The following ZNF30 variants were observed in gnomAD, a reference collection of about 807,000 sequenced individuals.
ZNF30 encodes the protein zinc finger protein 30, also known as zinc finger protein 30 (KOX 28).
Under a neutral mutation model 13.2 loss-of-function variants are expected in ZNF30, and 15 were observed. That is an observed-to-expected ratio of 1.13 (90% confidence interval 0.76 to 1.75). ZNF30 has a LOEUF of 1.75. ZNF30 is among the 40% of genes most tolerant of loss of function. The pLI is 0.00. For missense variants in ZNF30, 726 were observed against 757.0 expected, an observed-to-expected ratio of 0.96 and a Z score of 0.48; for synonymous variants, 223 against 256.6, an observed-to-expected ratio of 0.87 and a Z score of 1.25.
rs114803224 is a variant in ZNF30, at chr19:34,940,295, C to A, written c.257-2928C>A. On this transcript the variant is annotated intron_variant, in intron 4 of 4. Coordinates refer to ENST00000601142, the MANE Select transcript of ZNF30 (RefSeq NM_194325.3). ...TTATCTGAAGATAGGCCGTTATCTT[C>A]TTGGGACCATGATTATCCAAATGTA... is the stretch of plus-strand genomic sequence containing the variant. Among the ~76,000 whole-genome samples the A allele has an allele frequency of 7.0e-3, 1,060 of 152,286 alleles. 14 individuals are homozygous for A. Among genetic ancestry groups the A allele is most frequent in the African/African-American group, 0.024 (996 of 41,554 alleles).
intron 1 of ZNF30, among the ~76,000 whole-genome samples, chr19:34,929,445 A>G (rs768437198): frequency 2.0e-5 from 3 of 152,242 alleles, no homozygotes; most frequent in Non-Finnish European, 4.4e-5. Context: ...GAGCCATATT[A>G]GTAACTGCCT....
intron 3 of ZNF30, 145 bp downstream of exon 3, chr19:34,932,138 C>A: frequency 1.3e-6 from 1 of 765,624 alleles, no homozygotes; most frequent in Non-Finnish European, 1.9e-6. Flanking sequence ...TGGAAATGAT[C>A]CAGTGGCAGG....
chr19:34,925,380 C>T (rs568866996), upstream of ZNF30, among the ~76,000 whole-genome samples: 1 of 152,160 alleles, frequency 6.6e-6, no homozygotes, highest in Non-Finnish European at 1.5e-5. Context: ...GTTGGGGGAG[C>T]CAGAAGGGAA....
intron 4 of ZNF30, among the ~76,000 whole-genome samples, chr19:34,942,950 G>A (rs1476096866): frequency 6.6e-6 from 1 of 152,158 alleles, no homozygotes; most frequent in Non-Finnish European, 1.5e-5. Context: ...TCAGAGGGGC[G>A]GGATGCTGCT....
chr19:34,929,065 G>A (rs914785081), intron 1 of ZNF30, among the ~76,000 whole-genome samples: 19 of 152,060 alleles, frequency 1.2e-4, no homozygotes, highest in Non-Finnish European at 1.8e-4. Context: ...GGCGGATCAC[G>A]AAGTCAGGAG....
intron 4 of ZNF30, among the ~76,000 whole-genome samples, chr19:34,937,188 T>G (rs375263667): frequency 1.3e-5 from 2 of 152,064 alleles, no homozygotes; most frequent in African/African-American, 4.8e-5. Context: ...ATTTTTTATA[T>G]TTTTAGTAGA....
upstream of ZNF30, among the ~76,000 whole-genome samples, chr19:34,925,067 C>A (rs906923740): frequency 1.4e-4 from 21 of 152,270 alleles, no homozygotes; most frequent in Admixed American, 9.8e-4. Context: ...TGGCTCGCTT[C>A]TTCAGTGTCC....
rs1735460962 is a variant in ZNF30 at position 34,931,914 on chromosome 19, G to A, written c.81G>A (p.Glu27=). ...EDVAIAFSQQ[E]WESLDSSQRG... is the part of the protein sequence containing the mutation. ...TGGCCATAGCCTTCTCCCAGCAGGA[G>A]TGGGAGAGTCTGGACTCTTCCCAGA... is the stretch of plus-strand genomic sequence containing the variant. The change falls in exon 3 of 5, where the codon GAG becomes GAA. Residue 27 remains glutamate, a synonymous_variant. Coordinates refer to ENST00000601142, the MANE Select transcript of ZNF30 (RefSeq NM_194325.3). 6.2e-7 allele frequency: 1 copy of A among 1,613,222 alleles called. No homozygotes were observed. Among genetic ancestry groups the A allele is most frequent in the African/African-American group, 1.3e-5 (1 of 75,042 alleles).
chr19:34,925,861 T>C (rs535708073), upstream of ZNF30, among the ~76,000 whole-genome samples: 465 of 148,528 alleles, frequency 3.1e-3, no homozygotes, highest in Admixed American at 6.6e-3. Context: ...CAGGAATCAC[T>C]GTAATGTGGG....
At chr19:34,924,662 C>T (rs1012743487), upstream of ZNF30, among the ~76,000 whole-genome samples, 6 of 152,146 alleles carry the variant, frequency 3.9e-5, no homozygotes, top group Non-Finnish European at 7.4e-5. Context: ...AATTTGTCTC[C>T]GATTGACATG....
At chr19:34,925,960 C>T (rs1381837883), upstream of ZNF30, among the ~76,000 whole-genome samples, 3 of 152,084 alleles carry the variant, frequency 2.0e-5, no homozygotes, top group Non-Finnish European at 4.4e-5. Context: ...TCGCTTGAGC[C>T]CAGGAGTTCG....
intron 4 of ZNF30, among the ~76,000 whole-genome samples, chr19:34,939,879 A>G (rs985937822): frequency 7.2e-5 from 11 of 152,364 alleles, no homozygotes; most frequent in African/African-American, 2.4e-4. Context: ...TTCCCAGGAA[A>G]TTTATTCTTA....
intron 2 of ZNF30, among the ~76,000 whole-genome samples, chr19:34,930,489 A>G (rs1225899319): frequency 6.6e-6 from 1 of 152,128 alleles, no homozygotes; most frequent in Non-Finnish European, 1.5e-5. Flanking sequence ...CAATTTTGTT[A>G]TGGAATGGGA....
At chr19:34,928,033 C>A in intron 1 of ZNF30, among the ~76,000 whole-genome samples, 1 of 151,052 alleles carries the variant, frequency 6.6e-6, no homozygotes. Context: ...GGTGAAACCC[C>A]GTCTCTACTA....
intron 4 of ZNF30, chr19:34,942,608 A>G (rs2013099818): frequency 1.6e-6 from 2 of 1,288,056 alleles, no homozygotes; most frequent in African/African-American, 3.0e-5. Flanking sequence ...AGAAAGCTCC[A>G]GTCTACAAAC....
Position 34,944,953 on chromosome 19 carries a change from A to G in ZNF30, c.*115A>G. On this transcript the variant is annotated 3_prime_UTR_variant, in exon 5 of 5. Transcript: ENST00000601142. ...GAAGAATATTGGCAGGTCTATTCTC[A>G]TCTTATAATTCATAATATAACTCAG... 1.1e-6 allele frequency: 1 copy of G among 941,062 alleles called. No homozygotes were observed. Among genetic ancestry groups the G allele is most frequent in the Non-Finnish European group, 1.5e-6 (1 of 662,988 alleles). 58.3% of individuals were successfully genotyped at this position (941,062 alleles called of 1,614,324 possible).
chr19:34,924,476 A>T (rs571509497), upstream of ZNF30, among the ~76,000 whole-genome samples: 6 of 152,266 alleles, frequency 3.9e-5, no homozygotes, highest in Non-Finnish European at 7.3e-5. Flanking sequence ...ACGGCTATTT[A>T]CACATCCCCA....
Position 34,944,284 on chromosome 19 carries a change from C to T in ZNF30, c.1318C>T (p.Arg440Cys), listed in dbSNP as rs546004375. 4.4e-5 allele frequency: 71 copies of T among 1,610,508 alleles called. No individual in the cohort carries two copies. The highest frequency in any genetic ancestry group is 1.7e-4 in the Middle Eastern group (1 of 6,056). ...CKECGKAFIS[R>C]HQLTVHQRVH... is the part of the protein sequence containing the mutation. ...GGAATGTGGCAAAGCCTTTATTAGT[C>T]GCCATCAGCTTACCGTACATCAAAG... Residue 440 changes from arginine to cysteine, a missense_variant, in exon 5 of 5, where the codon CGC (arginine) becomes TGC (cysteine). Coordinates refer to ENST00000601142, the MANE Select transcript of ZNF30 (RefSeq NM_194325.3).
In ZNF30 at chr19:34,944,362, A is replaced by G; in HGVS notation, c.1396A>G (p.Arg466Gly). Reference sequence around the variant, plus strand: ...GTGTAAGGAATGTGGCAAGGCCTTCAGAGTGCACGTACATCTCACACAGCA... The same window carrying G: ...GTGTAAGGAATGTGGCAAGGCCTTCGGAGTGCACGTACATCTCACACAGCA... ...YECKECGKAF[R>G]VHVHLTQHRK... The change falls in exon 5 of 5, where the codon AGA becomes GGA. Residue 466 changes from arginine (R) to glycine (G), a missense_variant. Physicochemically the swap from Arg to Gly is moderately radical, Grantham distance 125. Transcript: ENST00000601142. 2 of 1,614,238 alleles carry G rather than the reference A, an allele frequency of 1.2e-6. No homozygotes were observed. Among genetic ancestry groups the G allele is most frequent in the East Asian group, 2.2e-5 (1 of 44,890 alleles).
Sources: gnomAD v4.1 joint callset for allele counts (sites outside exome capture counted in the v4.1 genomes callset) on GRCh38, gnomAD v4.1.1 for gene constraint, MANE v1.5 for transcripts, NCBI Gene and HGNC (gene_info 2026-07-23, HGNC 2026-07-21) for gene names.